PHTF2: variants seen among roughly 807,000 people sequenced by gnomAD.
PHTF2 encodes the protein putative homeodomain transcription factor 2.
PHTF2 carries 60 observed loss-of-function variants against 101.2 expected under a neutral mutation model. The observed-to-expected ratio is 0.59, with a 90% CI of 0.48 to 0.73. The LOEUF (loss-of-function observed/expected upper bound fraction) is 0.73, where lower values mean the gene tolerates loss of function less well. PHTF2 is among the 30% of genes least tolerant of loss of function. The pLI is 0.00. For synonymous variants in PHTF2, 311 were observed against 307.3 expected (o/e 1.01, Z -0.13); for missense variants, 747 against 908.7 (o/e 0.82, Z 2.29).
chr7:77,925,881 C>T (rs1803951494), intron 11 of PHTF2, among the ~76,000 whole-genome samples: 1 of 151,834 alleles, frequency 6.6e-6, no homozygotes, highest in African/African-American at 2.4e-5. Context: ...CATGGTGAAA[C>T]CCCGTCTCTA....
At chr7:77,953,661 A>C in intron 18 of PHTF2, 108 bp from the exon 18 acceptor site, 1 of 850,190 alleles carries the variant, frequency 1.2e-6, no homozygotes, top group Non-Finnish European at 1.8e-6. Flanking sequence ...AGCATCCATA[A>C]TTGGTAACTT....
At chr7:77,946,491 G>A (rs1481500250) in intron 16 of PHTF2, among the ~76,000 whole-genome samples, 1 of 151,970 alleles carries the variant, frequency 6.6e-6, no homozygotes, top group Non-Finnish European at 1.5e-5. Context: ...CTATATGATT[G>A]TTTATATAGA....
exon 17 of PHTF2, chr7:77,949,719 T>C: frequency 6.4e-7 from 1 of 1,573,662 alleles, no homozygotes; most frequent in Non-Finnish European, 8.7e-7. Flanking sequence ...GTCACTACAA[T>C]TGGGAATTGG....
intron 2 of PHTF2, among the ~76,000 whole-genome samples, chr7:77,852,061 T>G (rs1480943889): frequency 6.6e-6 from 1 of 152,220 alleles, no homozygotes; most frequent in Non-Finnish European, 1.5e-5. Context: ...AGCCTTGCTT[T>G]GTTGCCCAGG....
At chr7:77,910,547 G>T in intron 9 of PHTF2, 138 bp downstream of exon 8, 1 of 626,794 alleles carries the variant, frequency 1.6e-6, no homozygotes, top group Non-Finnish European at 2.7e-6. Context: ...AATTATAATA[G>T]TATAGATAAT....
chr7:77,845,396 G>A (rs577391526), intron 2 of PHTF2, among the ~76,000 whole-genome samples: 1 of 152,348 alleles, frequency 6.6e-6, no homozygotes, highest in African/African-American at 2.4e-5. Context: ...TTATAGGGCT[G>A]AGGAAGAACT....
At chr7:77,837,930 G>T (rs1291620069) in intron 1 of PHTF2, among the ~76,000 whole-genome samples, 15 of 152,050 alleles carry the variant, frequency 9.9e-5, no homozygotes, top group Admixed American at 5.2e-4. Context: ...ATTGTTGGGG[G>T]TTAGGAAAGA....
intron 16 of PHTF2, among the ~76,000 whole-genome samples, chr7:77,947,367 G>C (rs1234905502): frequency 1.3e-4 from 20 of 152,078 alleles, no homozygotes; most frequent in Admixed American, 1.2e-3. Flanking sequence ...TTCAAGACCA[G>C]CCTGGCCACC....
chr7:77,897,409 G>A (rs1276814348), intron 5 of PHTF2, among the ~76,000 whole-genome samples: 2 of 149,310 alleles, frequency 1.3e-5, no homozygotes, highest in African/African-American at 2.5e-5. Context: ...TACTATAAGA[G>A]TTTAAATTAT....
chr7:77,802,688 C>T (rs948601449), intron 1 of PHTF2, among the ~76,000 whole-genome samples: 8 of 152,194 alleles, frequency 5.3e-5, no homozygotes, highest in Non-Finnish European at 7.3e-5. Flanking sequence ...GCATGCACCA[C>T]TGTGTCCAGC....
intron 9 of PHTF2, among the ~76,000 whole-genome samples, chr7:77,915,829 C>G (rs751081754): frequency 3.3e-5 from 5 of 152,090 alleles, no homozygotes; most frequent in Admixed American, 2.6e-4. Context: ...AGATATATGT[C>G]TCCTGTTTTC....
intron 3 of PHTF2, among the ~76,000 whole-genome samples, chr7:77,888,022 C>T (rs1301486786): frequency 6.6e-6 from 1 of 152,192 alleles, no homozygotes; most frequent in Non-Finnish European, 1.5e-5. Flanking sequence ...GGTTGGATAT[C>T]TATACCATTA....
chr7:77,931,736 C>CATTGCAT (rs1386848314), intron 12 of PHTF2, among the ~76,000 whole-genome samples: 2 of 152,140 alleles, frequency 1.3e-5, no homozygotes, highest in Non-Finnish European at 2.9e-5. Flanking sequence ...TAGGCACTAT[C>CATTGCAT]ATTGCATTGT....
chr7:77,811,851 T>G (rs1793468688), intron 1 of PHTF2, among the ~76,000 whole-genome samples: 1 of 152,206 alleles, frequency 6.6e-6, no homozygotes, highest in South Asian at 2.1e-4. Context: ...GCCCTCTCAG[T>G]GGACGTAAAG....
At chr7:77,830,453 T>G (rs1419255234) in intron 1 of PHTF2, among the ~76,000 whole-genome samples, 1 of 152,176 alleles carries the variant, frequency 6.6e-6, no homozygotes, top group African/African-American at 2.4e-5. Flanking sequence ...TCATCTGTAT[T>G]TACAGCTGCC....
intron 3 of PHTF2, 118 bp from the exon 3 acceptor site, chr7:77,893,490 A>T: frequency 2.0e-6 from 1 of 496,350 alleles, no homozygotes; most frequent in Non-Finnish European, 3.6e-6. Flanking sequence ...GAAGTCTGAG[A>T]TAGGGCTAAA....
At chr7:77,915,721 T>A (rs1252446840) in intron 9 of PHTF2, among the ~76,000 whole-genome samples, 1 of 152,170 alleles carries the variant, frequency 6.6e-6, no homozygotes, top group Non-Finnish European at 1.5e-5. Flanking sequence ...CGCTCCAAGC[T>A]TCTAGGGTTT....
At chr7:77,882,789 C>T (rs1041150313) in intron 3 of PHTF2, among the ~76,000 whole-genome samples, 3 of 152,120 alleles carry the variant, frequency 2.0e-5, no homozygotes, top group Admixed American at 2.0e-4. Flanking sequence ...TAGCTTTGGA[C>T]ATTTTCTCAG....
At chr7:77,853,552 C>T (rs1026209493) in intron 2 of PHTF2, among the ~76,000 whole-genome samples, 2 of 151,918 alleles carry the variant, frequency 1.3e-5, no homozygotes, top group African/African-American at 2.4e-5. Flanking sequence ...CACCACCATG[C>T]CCAGCTAATT....
Sources: gnomAD v4.1 joint callset for allele counts (sites outside exome capture counted in the v4.1 genomes callset) on GRCh38, gnomAD v4.1.1 for gene constraint, MANE v1.5 for transcripts, NCBI Gene and HGNC (gene_info 2026-07-23, HGNC 2026-07-21) for gene names.